Variants in RUNDC3A observed in about 807,000 individuals in gnomAD.
RUNDC3A encodes the protein RUN domain containing 3A, also known as RUN domain-containing protein 3A.
RUNDC3A carries 28 observed loss-of-function variants against 53.9 expected under a neutral mutation model. The observed-to-expected ratio is 0.52, with a 90% CI of 0.38 to 0.71. RUNDC3A has a LOEUF of 0.71. RUNDC3A is among the 30% of genes least tolerant of loss of function. RUNDC3A has a pLI of 0.00. For missense variants in RUNDC3A, 491 were observed against 597.3 expected, an observed-to-expected ratio of 0.82 and a Z score of 1.85; for synonymous variants, 232 against 249.4, an observed-to-expected ratio of 0.93 and a Z score of 0.66.
At chr17:44,313,612 G>A in intron 4 of RUNDC3A, 109 bp downstream of exon 4, 1 of 1,450,812 alleles carries the variant, frequency 6.9e-7, no homozygotes, top group East Asian at 2.6e-5. Context: ...TGGACTACAA[G>A]TCCCAGCACC....
rs2047781850 is a variant in RUNDC3A, at chr17:44,313,089, C to T, written c.224-15C>T. On this transcript the variant is annotated splice_polypyrimidine_tract_variant and intron_variant, in intron 2 of 10. Transcript: ENST00000426726. The stretch of plus-strand genomic sequence containing the variant: ...CTCCCTGGTCTTGCTGAGCCCCCTC[C>T]CTGCCCTGGCTCAGCCTGTGCCCCA... 1.2e-6 allele frequency: 2 copies of T among 1,612,282 alleles called. No individual in the cohort carries two copies. The highest frequency in any genetic ancestry group is 1.7e-5 in the Admixed American group (1 of 59,972).
chr17:44,317,195 G>A (rs556338459), intron 10 of RUNDC3A: 58 of 545,932 alleles, frequency 1.1e-4, no homozygotes, highest in Non-Finnish European at 1.4e-4. Flanking sequence ...AGCTTACTTT[G>A]AGGTGGCAGA....
intron 1 of RUNDC3A, chr17:44,311,354 G>A: frequency 6.1e-6 from 6 of 985,456 alleles, no homozygotes; most frequent in Non-Finnish European, 7.2e-6. Context: ...AGCAGAAAGA[G>A]CAGAAGCTTC....
Position 44,308,635 on chromosome 17 carries a change from G to T in RUNDC3A, c.-198G>T. ...CAGCACCTCGGAGAGCTCCCTCCCC[G>T]GCCTTGTTTTGCTCTGGCATCGCCG... On this transcript the variant is annotated 5_prime_UTR_variant, in exon 1 of 11. Coordinates refer to ENST00000426726, the MANE Select transcript of RUNDC3A (RefSeq NM_001144825.2). The T allele has an allele frequency of 2.2e-6, 1 of 455,006 alleles. No individual in the cohort carries two copies. Among genetic ancestry groups the T allele is most frequent in the South Asian group, 4.4e-5 (1 of 22,850 alleles). 28.2% of individuals were successfully genotyped at this position (455,006 alleles called of 1,614,324 possible). A position where few individuals can be genotyped will look rare whatever the true frequency, so the allele number is the denominator to read the frequency against.
Position 44,315,310 on chromosome 17 carries a change from A to T in RUNDC3A, c.785A>T (p.Tyr262Phe). Reference sequence around the variant, plus strand: ...ATGGAGCAGAAGTTCCGCATCGTCTACGCGCAGAAGGTGCGCGACGCCGGC... The same window carrying T: ...ATGGAGCAGAAGTTCCGCATCGTCTTCGCGCAGAAGGTGCGCGACGCCGGC... ...HKMEQKFRIVYAQKGYLEELV... is the reference protein window; with the variant it reads ...HKMEQKFRIVFAQKGYLEELV... The change falls in exon 7 of 11, where the codon TAC (tyrosine) becomes TTC (phenylalanine). Residue 262 changes from tyrosine (Y) to phenylalanine (F), a missense_variant. Physicochemically the swap from Tyr to Phe is conservative, Grantham distance 22. Coordinates refer to ENST00000426726, the MANE Select transcript of RUNDC3A (RefSeq NM_001144825.2). The surrounding 1 kb of genome is among the most constrained non-coding windows in gnomAD (Gnocchi z 6.1). 1 of 1,359,976 alleles carries T rather than the reference A, an allele frequency of 7.4e-7. No homozygotes were observed. Among genetic ancestry groups the T allele is most frequent in the Non-Finnish European group, 9.7e-7 (1 of 1,031,150 alleles). The allele number at this position is 1,359,976 out of a possible 1,614,324, so 84.2% of individuals were successfully genotyped here. A position where few individuals can be genotyped will look rare whatever the true frequency, so the allele number is the denominator to read the frequency against.
rs2047869730 is a variant in RUNDC3A, at chr17:44,316,642, C to A, written c.1115C>A (p.Pro372Gln). Residue 372 changes from proline (P) to glutamine (Q), a missense_variant, in exon 10 of 11, where the codon CCG (proline) becomes CAG (glutamine). Physicochemically the swap from Pro to Gln is moderately conservative, Grantham distance 76 (BLOSUM62 -1). Transcript: ENST00000426726. ...YRRHSFMSTE[P>Q]LSAEASLSSD... ...AGACACAGCTTCATGAGCACGGAGC[C>A]GCTGTCAGCTGAAGCCAGTCTGAGC... is the stretch of plus-strand genomic sequence containing the variant. The A allele has an allele frequency of 1.9e-6, 3 of 1,550,934 alleles. No individual in the cohort carries two copies. The highest frequency in any genetic ancestry group is 1.4e-5 in the African/African-American group (1 of 73,144).
chr17:44,316,382 C>G lies in RUNDC3A; in HGVS notation c.954-3C>G. 6.2e-7 allele frequency: 1 copy of G among 1,610,630 alleles called. No homozygotes were observed. The highest frequency in any genetic ancestry group is 8.5e-7 in the Non-Finnish European group (1 of 1,177,342). On this transcript the variant is annotated splice_region_variant and splice_polypyrimidine_tract_variant and intron_variant, in intron 8 of 10. Coordinates refer to ENST00000426726, the MANE Select transcript of RUNDC3A (RefSeq NM_001144825.2). ...CAGGCCTGACTCCTCCTCCCCCTCCCAGGACAGGTCTGATCCCCAGTGACC... is the reference window on the plus strand; with the variant it reads ...CAGGCCTGACTCCTCCTCCCCCTCCGAGGACAGGTCTGATCCCCAGTGACC...
At chr17:44,314,592 G>A in intron 4 of RUNDC3A, 143 bp from the exon 5 acceptor site, 2 of 1,452,320 alleles carry the variant, frequency 1.4e-6, no homozygotes, top group Non-Finnish European at 1.8e-6. Flanking sequence ...GGGGGAGAGA[G>A]GCTCCAGGCC....
At position 44,318,311 on chromosome 17, in the gene RUNDC3A, C is replaced by T. The variant is rs936703864; in HGVS notation, c.*73C>T. On this transcript the variant is annotated 3_prime_UTR_variant, in exon 11 of 11. Transcript: ENST00000426726. ...CCTGCCACCTTTCTTCAACAAGAGT[C>T]CCCCAATCCAGGCTACCCTTCCAGA... is the stretch of plus-strand genomic sequence containing the variant. 1.4e-6 allele frequency: 2 copies of T among 1,467,068 alleles called. No homozygotes were observed. The highest frequency in any genetic ancestry group is 1.9e-6 in the Non-Finnish European group (2 of 1,078,936). The allele number at this position is 1,467,068 out of a possible 1,614,324, so 90.9% of individuals were successfully genotyped here.
intron 4 of RUNDC3A, chr17:44,314,051 C>T (rs576042906): frequency 7.7e-5 from 76 of 993,016 alleles, no homozygotes; most frequent in East Asian, 2.2e-4. Context: ...ATGCCCAGCA[C>T]GCTCCACCCT....
At chr17:44,312,225 G>C (rs552227662) in intron 1 of RUNDC3A, among the ~76,000 whole-genome samples, 1 of 152,274 alleles carries the variant, frequency 6.6e-6, no homozygotes, top group East Asian at 1.9e-4. Flanking sequence ...GTGGTCTATG[G>C]GGAAGGGGCT....
chr17:44,312,623 A>G lies in RUNDC3A; in HGVS notation c.151A>G (p.Ile51Val). 2 of 1,585,464 alleles carry G rather than the reference A, an allele frequency of 1.3e-6. No homozygotes were observed. The highest frequency in any genetic ancestry group is 1.2e-5 in the South Asian group (1 of 86,266). ...GCTGGAGAAGTACACAGCGGAGCCC[A>G]TCGATGACTCATCGGAGGAGTTTGT... ...TLLEKYTAEP[I>V]DDSSEEFVNF... The change falls in exon 2 of 11, where the codon ATC becomes GTC. Residue 51 changes from isoleucine to valine, a missense_variant. Ile to Val is a conservative substitution (Grantham distance 29). This residue lies in a region of RUNDC3A where 273 missense variants were observed against 389.0 expected (regional missense o/e 0.70). Transcript: ENST00000426726.
At chr17:44,313,855 A>G (rs1234409727) in intron 4 of RUNDC3A, 1 of 756,426 alleles carries the variant, frequency 1.3e-6, no homozygotes, top group Non-Finnish European at 1.6e-6. Flanking sequence ...CTAATTTTGT[A>G]TTTTTAGTTT....
intron 1 of RUNDC3A, 67 bp downstream of exon 1, chr17:44,309,006 C>G: frequency 9.1e-7 from 1 of 1,099,304 alleles, no homozygotes. Context: ...CTGCGGAAAC[C>G]CGGACTGAGC....
intron 10 of RUNDC3A, chr17:44,317,483 A>G (rs201305189): frequency 1.3e-6 from 1 of 780,858 alleles, no homozygotes; most frequent in Non-Finnish European, 2.4e-6. Flanking sequence ...TTTGGCTGCC[A>G]GGAAGCTCAG....
intron 1 of RUNDC3A, 132 bp downstream of exon 1, chr17:44,309,071 T>A (rs2047698753): frequency 6.3e-6 from 4 of 636,670 alleles, no homozygotes; most frequent in Non-Finnish European, 1.1e-5. Context: ...GCGTCCACTG[T>A]CCCTCCCAGG....
intron 4 of RUNDC3A, chr17:44,314,344 T>G: frequency 9.7e-7 from 1 of 1,034,660 alleles, no homozygotes; most frequent in East Asian, 8.8e-5. Context: ...CCATCCCAAT[T>G]GGCCATACCC....
In RUNDC3A at chr17:44,316,375, C is replaced by A. The variant is rs756785212; in HGVS notation, c.954-10C>A. The A allele has an allele frequency of 1.2e-6, 2 of 1,604,258 alleles. No homozygotes were observed. Among genetic ancestry groups the A allele is most frequent in the East Asian group, 4.5e-5 (2 of 44,588 alleles). On this transcript the variant is annotated splice_polypyrimidine_tract_variant and intron_variant, in intron 8 of 10. Coordinates refer to ENST00000426726, the MANE Select transcript of RUNDC3A (RefSeq NM_001144825.2). ...TTCCAGCCAGGCCTGACTCCTCCTC[C>A]CCCTCCCAGGACAGGTCTGATCCCC...
intron 10 of RUNDC3A, 82 bp downstream of exon 10, chr17:44,316,807 T>C (rs1271311755): frequency 1.3e-6 from 1 of 758,068 alleles, no homozygotes; most frequent in East Asian, 2.8e-5. Flanking sequence ...ATGTCCTCAT[T>C]CATTCTCTTA....
Sources: gnomAD v4.1 joint callset for allele counts (sites outside exome capture counted in the v4.1 genomes callset) on GRCh38, gnomAD v4.1.1 for gene constraint, gnomAD v4.1.1 regional missense constraint, Gnocchi (gnomAD v3.1) non-coding constraint, MANE v1.5 for transcripts, NCBI Gene and HGNC (gene_info 2026-07-23, HGNC 2026-07-21) for gene names.